The following TCF4 variants were observed in gnomAD, a reference collection of about 807,000 sequenced individuals.
TCF4 encodes transcription factor 4.
A neutral mutation model predicts 82.1 loss-of-function variants in TCF4; 3 were observed. That is an observed-to-expected ratio of 0.04 (90% CI 0.02 to 0.09). The LOEUF (loss-of-function observed/expected upper bound fraction) is 0.09. Among genes scored for constraint, TCF4 ranks in the 10% least tolerant of loss-of-function variants. The pLI is 1.00. For missense variants in TCF4, 518 were observed against 852.7 expected (o/e 0.61, Z 4.89); for synonymous variants, 276 against 309.6 (o/e 0.89, Z 1.14).
intron 15 of TCF4, among the ~76,000 whole-genome samples, chr18:55,250,539 C>A (rs2145333333): frequency 6.6e-6 from 1 of 152,326 alleles, no homozygotes; most frequent in Admixed American, 6.5e-5. Flanking sequence ...TTAAATCCCG[C>A]TGCAGGACTT....
At chr18:55,532,028 T>C (rs558777101) in intron 3 of TCF4, among the ~76,000 whole-genome samples, 1 of 152,300 alleles carries the variant, frequency 6.6e-6, no homozygotes, top group South Asian at 2.1e-4. Flanking sequence ...ATAGTTAGGG[T>C]TTGCCACCAC....
chr18:55,362,428 AGG>A, intron 6 of TCF4, among the ~76,000 whole-genome samples: 1 of 139,626 alleles, frequency 7.2e-6, no homozygotes, highest in African/African-American at 2.7e-5. Flanking sequence ...GAAGGAAGGA[AGG>A]AAGGAAAAAA....
At chr18:55,441,426 T>TA (rs1226169587) in intron 5 of TCF4, among the ~76,000 whole-genome samples, 3 of 152,228 alleles carry the variant, frequency 2.0e-5, no homozygotes, top group African/African-American at 7.2e-5. Context: ...TTCTTTAACA[T>TA]ACGCAGATAA....
chr18:55,394,648 T>C (rs545573137), intron 6 of TCF4, among the ~76,000 whole-genome samples: 1 of 152,302 alleles, frequency 6.6e-6, no homozygotes, highest in South Asian at 2.1e-4. Context: ...TGCCATACTA[T>C]GAAAAAAGCA....
intron 3 of TCF4, among the ~76,000 whole-genome samples, chr18:55,493,487 G>A (rs776288419): frequency 6.6e-6 from 1 of 151,950 alleles, no homozygotes; most frequent in Non-Finnish European, 1.5e-5. Context: ...CTTTCAGAAG[G>A]CTCAATAGGA....
At chr18:55,369,319 C>T (rs2145506769) in intron 6 of TCF4, among the ~76,000 whole-genome samples, 1 of 152,272 alleles carries the variant, frequency 6.6e-6, no homozygotes, top group South Asian at 2.1e-4. Flanking sequence ...TACATTTTGT[C>T]TCTTTCTCAG....
At chr18:55,538,656 C>T (rs1384768270) in intron 3 of TCF4, among the ~76,000 whole-genome samples, 3 of 152,122 alleles carry the variant, frequency 2.0e-5, no homozygotes, top group African/African-American at 7.2e-5. Flanking sequence ...CAGTGCCTTA[C>T]CCTAAATATT....
At chr18:55,332,821 T>C (rs1448516732) in intron 8 of TCF4, among the ~76,000 whole-genome samples, 1 of 152,238 alleles carries the variant, frequency 6.6e-6, no homozygotes, top group Non-Finnish European at 1.5e-5. Flanking sequence ...AGACTCCATT[T>C]GACAATATGG....
chr18:55,493,130 C>T (rs140961903), intron 3 of TCF4, among the ~76,000 whole-genome samples: 95 of 152,236 alleles, frequency 6.2e-4, no homozygotes, highest in Middle Eastern at 3.4e-3. Flanking sequence ...TTTTTCAAGA[C>T]GACAGGACAG....
Position 55,232,612 on chromosome 18 carries a change from C to T in TCF4, c.1546G>A (p.Asp516Asn). ...VSSGSSEIKS[D>N]DEGDENLQDT... ...TGCAGGTTCTCATCACCCTCGTCAT[C>T]GGATTTGATCTCAGAGCTGCCAGAG... The change falls in exon 17 of 20, where the codon GAT becomes AAT. Residue 516 changes from aspartate to asparagine, a missense_variant. Around this residue, in one of 7 missense-constraint regions of TCF4, gnomAD observed 144 missense variants for 190.2 expected, o/e 0.76. Coordinates refer to ENST00000354452, the MANE Select transcript of TCF4 (RefSeq NM_001083962.2). The T allele has an allele frequency of 6.2e-7, 1 of 1,614,182 alleles. No individual in the cohort carries two copies. Among genetic ancestry groups the T allele is most frequent in the Non-Finnish European group, 8.5e-7 (1 of 1,180,016 alleles).
At chr18:55,471,120 A>T (rs540872917) in intron 3 of TCF4, among the ~76,000 whole-genome samples, 1 of 152,332 alleles carries the variant, frequency 6.6e-6, no homozygotes, top group South Asian at 2.1e-4. Flanking sequence ...CGTGTTAAGG[A>T]TGTGCACATT....
chr18:55,392,662 C>T (rs550312213), intron 6 of TCF4, among the ~76,000 whole-genome samples: 98 of 152,210 alleles, frequency 6.4e-4, no homozygotes, highest in Non-Finnish European at 1.1e-3. Flanking sequence ...TCCAGTTATA[C>T]ACAGTTCATC....
intron 11 of TCF4, chr18:55,266,739 A>G (rs1349219724): frequency 6.6e-6 from 1 of 152,190 alleles, no homozygotes; most frequent in Non-Finnish European, 1.5e-5. Flanking sequence ...ATTGGGTATT[A>G]TAGGGCAAAA....
intron 6 of TCF4, among the ~76,000 whole-genome samples, chr18:55,386,591 A>G (rs573548790): frequency 6.6e-6 from 1 of 152,306 alleles, no homozygotes; most frequent in African/African-American, 2.4e-5. Context: ...GCTTACCACA[A>G]AAAATAAAAT....
At chr18:55,379,147 T>C (rs1237784705) in intron 6 of TCF4, among the ~76,000 whole-genome samples, 18 of 152,252 alleles carry the variant, frequency 1.2e-4, no homozygotes, top group Admixed American at 1.1e-3. Flanking sequence ...GTTATTTATA[T>C]TGAATTATAA....
Position 55,481,930 on chromosome 18 carries a change from T to G in TCF4, c.146-17793A>C, listed in dbSNP as rs983387309. 3.3e-5 allele frequency among the ~76,000 whole-genome samples: 5 copies of G among 152,198 alleles called. No individual in the cohort carries two copies. In the East Asian group the frequency reaches 9.6e-4, roughly 29 times the overall value. On this transcript the variant is annotated intron_variant, in intron 3 of 19. Coordinates refer to ENST00000354452, the MANE Select transcript of TCF4 (RefSeq NM_001083962.2). ...ATCTTGGCCTGAGCTACAGTTACAA[T>G]GAGCAAGTATGGGTTTAGAAAGAGC...
At chr18:55,600,634 C>T (rs941709222) in intron 2 of TCF4, among the ~76,000 whole-genome samples, 2 of 152,212 alleles carry the variant, frequency 1.3e-5, no homozygotes, top group African/African-American at 2.4e-5. Context: ...TGGTCACCCT[C>T]ATGTACTCCT....
At chr18:55,250,724 C>G (rs1174724488) in intron 15 of TCF4, among the ~76,000 whole-genome samples, 1 of 152,098 alleles carries the variant, frequency 6.6e-6, no homozygotes, top group Admixed American at 6.5e-5. Flanking sequence ...TCTTTTCTCC[C>G]GTTTCTATGG....
chr18:55,580,832 T>C (rs148346382), intron 3 of TCF4, among the ~76,000 whole-genome samples: 2 of 151,796 alleles, frequency 1.3e-5, no homozygotes, highest in African/African-American at 4.8e-5. Context: ...CCTAATTTCA[T>C]TATTGGCTGC....
Sources: gnomAD v4.1 joint callset for allele counts (sites outside exome capture counted in the v4.1 genomes callset) on GRCh38, gnomAD v4.1.1 for gene constraint, gnomAD v4.1.1 regional missense constraint, MANE v1.5 for transcripts, NCBI Gene and HGNC (gene_info 2026-07-23, HGNC 2026-07-21) for gene names.